HELZ: variants seen among roughly 807,000 people sequenced by gnomAD.
HELZ encodes the protein ATP-dependent RNA helicase with zinc finger domain.
In HELZ, 23 loss-of-function variants were observed where a neutral mutation model predicts 218.2. The observed-to-expected ratio is 0.11, with a 90% confidence interval of 0.08 to 0.15. The LOEUF (loss-of-function observed/expected upper bound fraction) is 0.15. Among genes scored for constraint, HELZ ranks in the 10% least tolerant of loss-of-function variants. HELZ has a pLI of 1.00. For synonymous variants in HELZ, 814 were observed against 829.4 expected (o/e 0.98, Z 0.32); for missense variants, 1,813 against 2,353.7 (o/e 0.77, Z 4.75).
chr17:67,181,794 T>C (rs1398064534), intron 12 of HELZ, among the ~76,000 whole-genome samples: 1 of 152,154 alleles, frequency 6.6e-6, no homozygotes, highest in Non-Finnish European at 1.5e-5. Flanking sequence ...AAATGAACTA[T>C]GGCCAGTGAC....
intron 5 of HELZ, among the ~76,000 whole-genome samples, chr17:67,212,405 A>G (rs1598432219): frequency 6.6e-6 from 1 of 151,544 alleles, no homozygotes; most frequent in Non-Finnish European, 1.5e-5. Flanking sequence ...TGAGCTATCC[A>G]TGGCTATCCC....
At chr17:67,134,719 A>T (rs1357003342) in intron 23 of HELZ, among the ~76,000 whole-genome samples, 1 of 152,098 alleles carries the variant, frequency 6.6e-6, no homozygotes, top group Non-Finnish European at 1.5e-5. Context: ...AAAATAGATA[A>T]TAAAGTGCTG....
At chr17:67,165,171 G>T (rs2039104993) in intron 15 of HELZ, among the ~76,000 whole-genome samples, 1 of 152,176 alleles carries the variant, frequency 6.6e-6, no homozygotes, top group Non-Finnish European at 1.5e-5. Context: ...AAGAATACTG[G>T]AAACACGCAG....
At chr17:67,212,335 A>AAAAAAAAAAAAAAAAAT in intron 5 of HELZ, among the ~76,000 whole-genome samples, 1 of 146,230 alleles carries the variant, frequency 6.8e-6, no homozygotes, top group South Asian at 2.2e-4. Flanking sequence ...AAAAAAAAAA[A>AAAAAAAAAAAAAAAAAT]GGCTACACTG....
intron 32 of HELZ, among the ~76,000 whole-genome samples, chr17:67,082,132 C>T (rs929292513): frequency 6.6e-6 from 1 of 152,102 alleles, no homozygotes. Flanking sequence ...CAGCTGGCTC[C>T]CTGGATCTTA....
chr17:67,219,913 T>A (rs201220146), intron 3 of HELZ, among the ~76,000 whole-genome samples: 1 of 151,898 alleles, frequency 6.6e-6, no homozygotes, highest in East Asian at 1.9e-4. Context: ...ATGGCAGGGG[T>A]GGAAAACTTG....
At position 67,137,991 on chromosome 17, in the gene HELZ, C is replaced by A; in HGVS notation, c.2893G>T (p.Ala965Ser). Residue 965 changes from alanine (A) to serine (S), a missense_variant, in exon 22 of 33, where the codon GCT becomes TCT. Physicochemically the swap from Ala to Ser is moderately conservative, Grantham distance 99 (BLOSUM62 1). Coordinates refer to ENST00000358691, the MANE Select transcript of HELZ (RefSeq NM_014877.4). ...GATAATCTCTTTTTTCGAAGTTCAG[C>A]ACGTATTCTAAACACTTGATCAGCA... ...PYADQVFRIR[A>S]ELRKKRLSDV... 1 of 1,613,656 alleles carries A rather than the reference C, an allele frequency of 6.2e-7. No homozygotes were observed. The highest frequency in any genetic ancestry group is 8.5e-7 in the Non-Finnish European group (1 of 1,179,738).
intron 3 of HELZ, among the ~76,000 whole-genome samples, chr17:67,220,849 T>TCCCCCC (rs574120008): frequency 2.6e-5 from 3 of 114,420 alleles, no homozygotes; most frequent in Non-Finnish European, 3.6e-5. Context: ...TTAAGATAAC[T>TCCCCCC]CCCCCCCCCC....
chr17:67,107,306 G>A lies in HELZ; in HGVS notation c.5104C>T (p.Leu1702=), dbSNP rs1328698102. ...GGTGGCCTGTGAGGCAATGGAGGTA[G>A]GCCATAGGGAAAACCTGGCCCCATT... ...HLMGPGFPYG[L]PPLPHRPPQN... Residue 1702 remains leucine (L), a synonymous_variant, in exon 31 of 33, where the codon CTA becomes TTA. Coordinates refer to ENST00000358691, the MANE Select transcript of HELZ (RefSeq NM_014877.4). 6.2e-7 allele frequency: 1 copy of A among 1,614,088 alleles called. No individual in the cohort carries two copies. The highest frequency in any genetic ancestry group is 1.3e-5 in the African/African-American group (1 of 74,932).
Position 67,104,593 on chromosome 17 carries a change from G to T in HELZ, c.5241+2576C>A, listed in dbSNP as rs957145028. Among the ~76,000 whole-genome samples, 4 of 151,938 alleles carry T rather than the reference G, an allele frequency of 2.6e-5. No individual in the cohort carries two copies. In the East Asian group the frequency reaches 7.7e-4, roughly 29 times the overall value. On this transcript the variant is annotated intron_variant, in intron 31 of 32. Transcript: ENST00000358691. ...GTTTAGCATCAAAGGACACTATCAA[G>T]AAAGTGAAAAGACAACCCACACAGT...
In HELZ at chr17:67,137,879, C is replaced by T. The variant is rs2038201664; in HGVS notation, c.2953+52G>A. ...GAGTACTAAAAATCCAATGTGAACA[C>T]ACTTTAGATTTAAGCATTTGAATGA... On this transcript the variant is annotated intron_variant, in intron 22 of 32. Transcript: ENST00000358691. The T allele has an allele frequency of 7.4e-6, 10 of 1,344,846 alleles. No individual in the cohort carries two copies. In the East Asian group the frequency reaches 1.2e-4, roughly 16 times the overall value. The allele number at this position is 1,344,846 out of a possible 1,614,324, so 83.3% of individuals were successfully genotyped here.
In HELZ at chr17:67,160,802, T is replaced by C. The variant is rs2038973571; in HGVS notation, c.2075+95A>G. 6.7e-6 allele frequency: 6 copies of C among 897,552 alleles called. No individual in the cohort carries two copies. The South Asian group carries it at 1.3e-4, about 19-fold the overall frequency. The allele number at this position is 897,552 out of a possible 1,614,324, so 55.6% of individuals were successfully genotyped here. ...CTTTTTTTCATGTTTAAGAGCTGCA[T>C]GAAAACTGTCTTGCTAGCCCTCATT... On this transcript the variant is annotated intron_variant, in intron 16 of 32. Coordinates refer to ENST00000358691, the MANE Select transcript of HELZ (RefSeq NM_014877.4).
chr17:67,245,006 G>A, intron 1 of HELZ, 142 bp downstream of exon 1: 1 of 985,418 alleles, frequency 1.0e-6, no homozygotes, highest in South Asian at 4.7e-5. Context: ...CCCAGCCGCG[G>A]GCCGCCCAGG....
chr17:67,118,533 C>T (rs1400823607), intron 27 of HELZ, among the ~76,000 whole-genome samples: 5 of 151,410 alleles, frequency 3.3e-5, no homozygotes, highest in Non-Finnish European at 7.4e-5. Flanking sequence ...AAAATAAAAG[C>T]TGCTGCTCTT....
intron 24 of HELZ, among the ~76,000 whole-genome samples, chr17:67,127,790 G>A (rs1398819317): frequency 3.3e-5 from 5 of 150,530 alleles, no homozygotes; most frequent in Non-Finnish European, 7.4e-5. Flanking sequence ...AGGTTGCAGT[G>A]AGCCCAGAAT....
intron 24 of HELZ, among the ~76,000 whole-genome samples, chr17:67,126,839 G>A (rs534468626): frequency 4.0e-5 from 6 of 148,210 alleles, no homozygotes; most frequent in Non-Finnish European, 9.2e-5. Flanking sequence ...TCCAGCCCGG[G>A]CAACAGAGCA....
Position 67,118,014 on chromosome 17 carries a change from C to A in HELZ, c.3838+2391G>T, listed in dbSNP as rs554617861. Among the ~76,000 whole-genome samples the A allele has an allele frequency of 2.3e-4, 35 of 152,294 alleles. 1 individual carries two copies. The highest frequency in any genetic ancestry group is 2.2e-3 in the Admixed American group (33 of 15,286). On this transcript the variant is annotated intron_variant, in intron 27 of 32. Coordinates refer to ENST00000358691, the MANE Select transcript of HELZ (RefSeq NM_014877.4). ...CAATGTCAATCCAAATCCCGGAAGG[C>A]TTTTTAGTAGGAATTGACAAGCTGA...
chr17:67,201,224 T>G, intron 6 of HELZ, 39 bp from the exon 7 acceptor site: 2 of 1,374,768 alleles, frequency 1.5e-6, no homozygotes, highest in Non-Finnish European at 1.0e-6. Flanking sequence ...CCAATTAGTA[T>G]ATTAATTCTT....
At chr17:67,087,793 C>T (rs967626341) in intron 31 of HELZ, among the ~76,000 whole-genome samples, 1 of 152,196 alleles carries the variant, frequency 6.6e-6, no homozygotes, top group African/African-American at 2.4e-5. Context: ...TTCCTTTAAC[C>T]CTTCCGACAA....
Sources: allele counts gnomAD v4.1 joint callset (sites outside exome capture counted in the v4.1 genomes callset), GRCh38; gene constraint gnomAD v4.1.1; transcripts MANE v1.5; gene names NCBI Gene and HGNC (gene_info 2026-07-23, HGNC 2026-07-21).